Variants in RAP1GAP2 observed in about 807,000 individuals in gnomAD.
RAP1GAP2 encodes rap1 GTPase-activating protein 2.
Under a neutral mutation model 95.0 loss-of-function variants are expected in RAP1GAP2, and 27 were observed. The observed-to-expected ratio is 0.28, with a 90% CI of 0.21 to 0.39. The LOEUF is 0.39. Among genes scored for constraint, RAP1GAP2 ranks in the 10% least tolerant of loss-of-function variants. The pLI, the probability that RAP1GAP2 is intolerant of heterozygous loss-of-function variation, is 1.00. For missense variants in RAP1GAP2, 771 were observed against 970.0 expected, an observed-to-expected ratio of 0.79 and a Z score of 2.72; for synonymous variants, 373 against 380.9, an observed-to-expected ratio of 0.98 and a Z score of 0.24.
chr17:3,034,786 C>T lies in RAP1GAP2; in HGVS notation c.*1425C>T, dbSNP rs117587556. 0.014 allele frequency: 2,066 copies of T among 152,748 alleles called. 26 individuals carry two copies. The highest frequency in any genetic ancestry group is 0.018 in the Non-Finnish European group (1,216 of 68,422). 9.5% of individuals were successfully genotyped at this position (152,748 alleles called of 1,614,324 possible). A position where few individuals can be genotyped will look rare whatever the true frequency, so the allele number is the denominator to read the frequency against. On this transcript the variant is annotated 3_prime_UTR_variant, in exon 25 of 25. Transcript: ENST00000254695. This position sits in a 1 kb window ranked among gnomAD's most constrained non-coding sequence, Gnocchi z 5.1. ...TCTGCAGCGCCGTGGGCTTCTCTGCCGATGGGCCCGGGTTGGGGTTAAGGT... is the reference window on the plus strand; with the variant it reads ...TCTGCAGCGCCGTGGGCTTCTCTGCTGATGGGCCCGGGTTGGGGTTAAGGT...
chr17:2,798,629 G>A (rs531182723), intron 1 of RAP1GAP2, among the ~76,000 whole-genome samples: 122 of 140,348 alleles, frequency 8.7e-4, no homozygotes, highest in African/African-American at 2.8e-3. Flanking sequence ...TGGCACCAGG[G>A]GCAGACAAGG....
Position 3,032,293 on chromosome 17 carries a change from G to T in RAP1GAP2, c.2185-118G>T, listed in dbSNP as rs551991788. The T allele has an allele frequency of 4.0e-3, 4,512 of 1,126,212 alleles. 123 individuals carry two copies. In the African/African-American group the frequency reaches 0.057, roughly 14 times the overall value. 69.8% of individuals were successfully genotyped at this position (1,126,212 alleles called of 1,614,324 possible). A position where few individuals can be genotyped will look rare whatever the true frequency, so the allele number is the denominator to read the frequency against. ...GAGGTGGGAAGTGCTTGTTCCTGGG[G>T]TCCTGAATCCCTTCCTGAGCTCACC... On this transcript the variant is annotated intron_variant, in intron 23 of 24. Coordinates refer to ENST00000254695, the MANE Select transcript of RAP1GAP2 (RefSeq NM_015085.5).
At chr17:2,885,028 C>CTTTTTTTTTTTT (rs891984333) in intron 2 of RAP1GAP2, among the ~76,000 whole-genome samples, 15 of 112,492 alleles carry the variant, frequency 1.3e-4, no homozygotes, top group South Asian at 2.8e-4. Flanking sequence ...TTATTTCTTT[C>CTTTTTTTTTTTT]TTTTTTTTTT....
At chr17:2,911,177 G>GGCCCCC (rs2042366842) in intron 3 of RAP1GAP2, among the ~76,000 whole-genome samples, 1 of 151,960 alleles carries the variant, frequency 6.6e-6, no homozygotes, top group Non-Finnish European at 1.5e-5. Context: ...GCTCCCCCCG[G>GGCCCCC]GCCCCCACCC....
chr17:2,808,660 G>C (rs1277565738), intron 2 of RAP1GAP2, among the ~76,000 whole-genome samples: 1 of 152,204 alleles, frequency 6.6e-6, no homozygotes, highest in Non-Finnish European at 1.5e-5. Flanking sequence ...CTGACAGCTG[G>C]CCACACCACA....
intron 3 of RAP1GAP2, among the ~76,000 whole-genome samples, chr17:2,941,367 C>T (rs143231535): frequency 0.018 from 2,686 of 152,050 alleles, 83 homozygotes; most frequent in African/African-American, 0.06. Flanking sequence ...GAGATTGTGC[C>T]GTTGCACTCC....
intron 2 of RAP1GAP2, among the ~76,000 whole-genome samples, chr17:2,833,520 T>C (rs113166503): frequency 6.6e-6 from 1 of 151,226 alleles, no homozygotes; most frequent in Non-Finnish European, 1.5e-5. Context: ...GAAACCCCGT[T>C]TCTACTAAAA....
intron 2 of RAP1GAP2, among the ~76,000 whole-genome samples, chr17:2,810,438 G>A (rs2069714631): frequency 1.3e-5 from 2 of 150,304 alleles, no homozygotes; most frequent in Non-Finnish European, 2.9e-5. Context: ...GTATACATGT[G>A]CCATGTTGGT....
At chr17:2,794,143 G>T (rs922202957), upstream of RAP1GAP2, among the ~76,000 whole-genome samples, 1 of 151,152 alleles carries the variant, frequency 6.6e-6, no homozygotes, top group Admixed American at 6.6e-5. Context: ...TTCTCTGTCA[G>T]TTCTCTTCTC....
At chr17:2,920,021 T>C (rs1284141598) in intron 3 of RAP1GAP2, among the ~76,000 whole-genome samples, 4 of 150,748 alleles carry the variant, frequency 2.7e-5, no homozygotes, top group Non-Finnish European at 3.0e-5. Context: ...TTTTTTTTTT[T>C]TTTTTGAGAC....
At chr17:2,793,042 C>T (rs7209248), upstream of RAP1GAP2, among the ~76,000 whole-genome samples, 98,118 of 152,098 alleles carry the variant, frequency 0.65, 31,999 homozygotes, top group South Asian at 0.76. Flanking sequence ...TGTGATGTGA[C>T]TATCACCCCG....
chr17:2,827,811 G>GAAAAA lies in RAP1GAP2; in HGVS notation c.80+27269_80+27273dup, dbSNP rs11446282. Among the ~76,000 whole-genome samples the GAAAAA allele has an allele frequency of 6.8e-6, 1 of 146,408 alleles. No individual in the cohort carries two copies. Among genetic ancestry groups the GAAAAA allele is most frequent in the African/African-American group, 2.5e-5 (1 of 39,986 alleles). ...GTTGCTTTTTATCAGCTTCCTATTA[G>GAAAAA]AAAAAAAAAAAATCCCCTTGAAAAA... On this transcript the variant is annotated intron_variant, in intron 2 of 24. Transcript: ENST00000254695. This position sits in a 1 kb window ranked among gnomAD's most constrained non-coding sequence, Gnocchi z 4.1.
Position 3,005,321 on chromosome 17 carries a change from C to T in RAP1GAP2, c.1201-48C>T, listed in dbSNP as rs942280715. 7.0e-6 allele frequency: 11 copies of T among 1,562,196 alleles called. No individual in the cohort carries two copies. Among genetic ancestry groups the T allele is most frequent in the East Asian group, 2.2e-5 (1 of 44,626 alleles). Reference sequence around the variant, plus strand: ...AGGAGCGTGGCTCCCGTAGGGGCAGCGCTCGTCTCTTCCCTCCAGGTCCGT... The same window carrying T: ...AGGAGCGTGGCTCCCGTAGGGGCAGTGCTCGTCTCTTCCCTCCAGGTCCGT... On this transcript the variant is annotated intron_variant, in intron 14 of 24. Transcript: ENST00000254695. The surrounding 1 kb of genome is among the most constrained non-coding windows in gnomAD (Gnocchi z 5.2).
intron 12 of RAP1GAP2, among the ~76,000 whole-genome samples, chr17:2,992,666 G>A (rs994481198): frequency 1.3e-5 from 2 of 152,120 alleles, no homozygotes; most frequent in Non-Finnish European, 1.5e-5. Flanking sequence ...TCCTCACATC[G>A]TGTGAAAATA....
chr17:2,856,012 C>A (rs763224570), intron 2 of RAP1GAP2, among the ~76,000 whole-genome samples: 1 of 152,198 alleles, frequency 6.6e-6, no homozygotes, highest in Non-Finnish European at 1.5e-5. Flanking sequence ...CTGATGCCAG[C>A]GACATGTGTG....
At chr17:3,017,018 C>G (rs970790446) in intron 17 of RAP1GAP2, among the ~76,000 whole-genome samples, 2 of 152,056 alleles carry the variant, frequency 1.3e-5, no homozygotes, top group South Asian at 4.1e-4. Flanking sequence ...ATTCTCACAC[C>G]ATCTTTGAAG....
intron 2 of RAP1GAP2, among the ~76,000 whole-genome samples, chr17:2,873,864 G>C (rs2072965157): frequency 6.6e-6 from 1 of 152,076 alleles, no homozygotes; most frequent in African/African-American, 2.4e-5. Flanking sequence ...CTGGGTACAA[G>C]TGATTCTCCT....
chr17:2,781,923 C>CGTCTCTGTGTGGGCAG (rs1567644139), intron 1 of RAP1GAP2, among the ~76,000 whole-genome samples: 2 of 150,204 alleles, frequency 1.3e-5, no homozygotes, highest in Non-Finnish European at 3.0e-5. Context: ...TGTGTGGGCA[C>CGTCTCTGTGTGGGCAG]GTCTCTGTGT....
chr17:2,858,719 T>TG (rs1401544296), intron 2 of RAP1GAP2, among the ~76,000 whole-genome samples: 12 of 152,086 alleles, frequency 7.9e-5, no homozygotes, highest in Non-Finnish European at 1.5e-4. Flanking sequence ...GAGACCAGCC[T>TG]GGGCAATATA....
Sources: gnomAD v4.1 joint callset for allele counts (sites outside exome capture counted in the v4.1 genomes callset) on GRCh38, gnomAD v4.1.1 for gene constraint, Gnocchi (gnomAD v3.1) non-coding constraint, MANE v1.5 for transcripts, NCBI Gene and HGNC (gene_info 2026-07-23, HGNC 2026-07-21) for gene names.